The following LGR6 variants were observed in gnomAD, a reference collection of about 807,000 sequenced individuals.
The protein encoded by LGR6 is leucine-rich repeat-containing G protein-coupled receptor 6.
Under a neutral mutation model 69.4 loss-of-function variants are expected in LGR6, and 45 were observed. That is an observed-to-expected ratio of 0.65 (90% CI 0.51 to 0.83). LGR6 has a LOEUF of 0.83. LGR6 is among the 40% of genes least tolerant of loss of function. The pLI, the probability that LGR6 is intolerant of heterozygous loss-of-function variation, is 0.00. For synonymous variants in LGR6, 538 were observed against 555.0 expected (o/e 0.97, Z 0.43); for missense variants, 1,108 against 1,246.7 (o/e 0.89, Z 1.68).
chr1:202,279,010 G>T (rs1254867760), intron 5 of LGR6, among the ~76,000 whole-genome samples: 4 of 152,184 alleles, frequency 2.6e-5, no homozygotes, highest in Admixed American at 1.3e-4. Flanking sequence ...AGACACCAGG[G>T]TTGAATGAGT....
rs552143672 is a variant in LGR6, at chr1:202,267,092, C to T, written c.429-9214C>T. Among the ~76,000 whole-genome samples, 5 of 152,284 alleles carry T rather than the reference C, an allele frequency of 3.3e-5. No individual in the cohort carries two copies. In the East Asian group the frequency reaches 5.8e-4, roughly 18 times the overall value. On this transcript the variant is annotated intron_variant, in intron 4 of 17. Transcript: ENST00000367278. ...GTCAGTTAAAATAAAATTTAAAATG[C>T]GGTTCCTCAGTCATGCTGGCCACAC...
rs969210719 is a variant in LGR6 at position 202,206,163 on chromosome 1, T to G, written c.212+11962T>G. 5.9e-5 allele frequency among the ~76,000 whole-genome samples: 9 copies of G among 152,344 alleles called. No individual in the cohort carries two copies. In the East Asian group the frequency reaches 1.7e-3, roughly 29 times the overall value. ...TCAAGTGTCCAGGAATTGTGAGAGT[T>G]GAGGCAGTTAGGGGCTGTAAACTAA... On this transcript the variant is annotated intron_variant, in intron 1 of 17. Transcript: ENST00000367278.
At chr1:202,307,952 G>T (rs541234610) in intron 14 of LGR6, among the ~76,000 whole-genome samples, 1 of 152,322 alleles carries the variant, frequency 6.6e-6, no homozygotes, top group East Asian at 1.9e-4. Flanking sequence ...GTACTGTGGG[G>T]CAGGTTATTC....
In LGR6 at chr1:202,194,096, CG is replaced by C; in HGVS notation, c.109del (p.Ala37ProfsTer31). On this transcript the variant is annotated frameshift_variant, in exon 1 of 18. Transcript: ENST00000367278. LOFTEE classifies it high-confidence loss of function. The stretch of plus-strand genomic sequence containing the variant: ...CCCGGCCCGGGGCCCACCGCCTGCC[CG>C]GCCCCCTGCCACTGCCAGGAGGACG... The part of the protein sequence containing the change: ...PQPGPGPTAC[P>X]APCHCQEDGI... The C allele has an allele frequency of 6.5e-7, 1 of 1,535,824 alleles. No individual in the cohort carries two copies. The highest frequency in any genetic ancestry group is 8.7e-7 in the Non-Finnish European group (1 of 1,150,984).
intron 1 of LGR6, among the ~76,000 whole-genome samples, chr1:202,211,027 G>T (rs1659444872): frequency 6.6e-6 from 1 of 152,244 alleles, no homozygotes; most frequent in South Asian, 2.1e-4. Flanking sequence ...AGGTGGGTAG[G>T]ATGGGGCAGC....
intron 1 of LGR6, among the ~76,000 whole-genome samples, chr1:202,219,878 T>A (rs1454739086): frequency 6.6e-6 from 1 of 152,042 alleles, no homozygotes; most frequent in Non-Finnish European, 1.5e-5. Flanking sequence ...TATTTATTTA[T>A]TTTATTTATT....
intron 1 of LGR6, among the ~76,000 whole-genome samples, chr1:202,200,001 G>A (rs533085848): frequency 6.6e-6 from 1 of 152,336 alleles, no homozygotes; most frequent in African/African-American, 2.4e-5. Flanking sequence ...GACAGGACGG[G>A]GAGTTAGGAT....
intron 6 of LGR6, among the ~76,000 whole-genome samples, chr1:202,292,071 G>A (rs549019305): frequency 9.2e-5 from 14 of 152,288 alleles, no homozygotes; most frequent in African/African-American, 2.9e-4. Context: ...AGGGGCGCAA[G>A]TAACTACACA....
At chr1:202,292,212 G>C (rs775455433) in intron 6 of LGR6, among the ~76,000 whole-genome samples, 3 of 152,208 alleles carry the variant, frequency 2.0e-5, no homozygotes, top group South Asian at 4.1e-4. Context: ...AGCCTTTCCA[G>C]ATTTTTCAAC....
intron 10 of LGR6, among the ~76,000 whole-genome samples, chr1:202,303,839 G>A (rs1382572073): frequency 6.6e-6 from 1 of 152,122 alleles, no homozygotes; most frequent in Non-Finnish European, 1.5e-5. Flanking sequence ...TCAGGAAGTC[G>A]GCTGCCCTGC....
chr1:202,263,491 G>A (rs188276512), intron 4 of LGR6, among the ~76,000 whole-genome samples: 1 of 152,202 alleles, frequency 6.6e-6, no homozygotes, highest in East Asian at 1.9e-4. Flanking sequence ...TGAGAAGGTA[G>A]CTAAGTTTTC....
intron 4 of LGR6, among the ~76,000 whole-genome samples, chr1:202,249,842 C>T (rs1663080244): frequency 6.6e-6 from 1 of 152,134 alleles, no homozygotes; most frequent in African/African-American, 2.4e-5. Flanking sequence ...CTTACAGGCC[C>T]CCAGCTTCTA....
intron 9 of LGR6, 82 bp downstream of exon 9, chr1:202,301,317 C>A: frequency 8.4e-7 from 1 of 1,192,272 alleles, no homozygotes. Context: ...CTATCGCCTG[C>A]GGATCTCTCC....
intron 6 of LGR6, among the ~76,000 whole-genome samples, chr1:202,288,914 C>T (rs191062656): frequency 1.3e-4 from 20 of 152,322 alleles, no homozygotes; most frequent in Admixed American, 2.0e-4. Flanking sequence ...CCTGCATTAA[C>T]GGGCCCCAAA....
chr1:202,242,147 T>C (rs1281588720), intron 4 of LGR6, among the ~76,000 whole-genome samples: 2 of 152,218 alleles, frequency 1.3e-5, no homozygotes, highest in Non-Finnish European at 1.5e-5. Context: ...AGCACATTCA[T>C]ATATCTCATT....
chr1:202,256,171 A>T (rs1377792387), intron 4 of LGR6, among the ~76,000 whole-genome samples: 1 of 152,154 alleles, frequency 6.6e-6, no homozygotes, highest in Non-Finnish European at 1.5e-5. Flanking sequence ...TTTTTTACTT[A>T]GCATAATGTT....
chr1:202,238,946 A>C (rs561498486), intron 4 of LGR6, among the ~76,000 whole-genome samples: 1 of 152,296 alleles, frequency 6.6e-6, no homozygotes, highest in South Asian at 2.1e-4. Context: ...GCGTTTTAAC[A>C]AGAGCCTGGG....
intron 6 of LGR6, among the ~76,000 whole-genome samples, chr1:202,287,909 T>C (rs1666513938): frequency 6.6e-6 from 1 of 152,200 alleles, no homozygotes; most frequent in African/African-American, 2.4e-5. Flanking sequence ...CAATCTGTTT[T>C]CAACACAACA....
chr1:202,209,480 C>G (rs1360873209), intron 1 of LGR6, among the ~76,000 whole-genome samples: 2 of 152,194 alleles, frequency 1.3e-5, no homozygotes, highest in African/African-American at 2.4e-5. Context: ...GTGGCCCTAC[C>G]ACGTGGGGAG....
Sources: allele counts gnomAD v4.1 joint callset (sites outside exome capture counted in the v4.1 genomes callset), GRCh38; gene constraint gnomAD v4.1.1; transcripts MANE v1.5; gene names NCBI Gene and HGNC (gene_info 2026-07-23, HGNC 2026-07-21).